Variants in KPNA5 observed in about 807,000 individuals in gnomAD.
KPNA5 encodes importin subunit alpha-6.
KPNA5 carries 46 observed loss-of-function variants against 71.3 expected under a neutral mutation model. The observed-to-expected ratio is 0.65, with a 90% CI of 0.51 to 0.83. The LOEUF is 0.83. KPNA5 is among the 40% of genes least tolerant of loss of function. The probability of loss-of-function intolerance (pLI) is 0.00; values close to 1 mark genes in which losing one functional copy is unlikely to be tolerated. For missense variants in KPNA5, 547 were observed against 628.3 expected, an observed-to-expected ratio of 0.87 and a Z score of 1.38; for synonymous variants, 207 against 201.4, an observed-to-expected ratio of 1.03 and a Z score of -0.24.
chr6:116,725,898 G>GAGT, intron 11 of KPNA5, 22 bp downstream of exon 11: 1 of 1,604,802 alleles, frequency 6.2e-7, no homozygotes. Flanking sequence ...TCAGATCTGA[G>GAGT]AGTAGAACAG....
chr6:116,721,567 C>G (rs1428280981), intron 8 of KPNA5, among the ~76,000 whole-genome samples: 1 of 152,100 alleles, frequency 6.6e-6, no homozygotes, highest in Non-Finnish European at 1.5e-5. Flanking sequence ...TAAAAAAAGC[C>G]AACATTTGAG....
Position 116,681,261 on chromosome 6 carries a change from C to T in KPNA5, c.-74C>T, listed in dbSNP as rs549811731. The stretch of plus-strand genomic sequence containing the variant: ...ACGCTTCACGCCAGGGGCGGAGTGG[C>T]GGCCCTTCTGTTACCCGCCACACAC... On this transcript the variant is annotated 5_prime_UTR_variant, in exon 1 of 14. Coordinates refer to ENST00000368564, the MANE Select transcript of KPNA5 (RefSeq NM_001366306.2). 24 of 1,593,814 alleles carry T rather than the reference C, an allele frequency of 1.5e-5. No homozygotes were observed. In the East Asian group the frequency reaches 4.5e-4, roughly 30 times the overall value.
In KPNA5 at chr6:116,724,359, A is replaced by T. The variant is rs1554257825; in HGVS notation, c.983A>T (p.Asp328Val). The T allele has an allele frequency of 6.2e-7, 1 of 1,610,024 alleles. No individual in the cohort carries two copies. Among genetic ancestry groups the T allele is most frequent in the Non-Finnish European group, 8.5e-7 (1 of 1,176,668 alleles). Residue 328 changes from aspartate (D) to valine (V), a missense_variant, in exon 10 of 14, where the codon GAT (aspartate) becomes GTT (valine). Transcript: ENST00000368564. ...GCAGTTGGTAATATTGTGACTGGTG[A>T]TGATATTCAAACACAGGTGAGTTCA... Reference protein sequence around the residue: ...LRAVGNIVTGDDIQTQVILNC... With the variant: ...LRAVGNIVTGVDIQTQVILNC...
chr6:116,731,502 G>A (rs1365422032), intron 13 of KPNA5, among the ~76,000 whole-genome samples: 30 of 152,082 alleles, frequency 2.0e-4, no homozygotes, highest in Non-Finnish European at 2.9e-5. Flanking sequence ...TGTATTTTCA[G>A]CACTACCCAG....
Position 116,738,413 on chromosome 6 carries a change from C to G in KPNA5, c.*6090C>G, listed in dbSNP as rs1245371573. 3 of 151,964 alleles carry G rather than the reference C, an allele frequency of 2.0e-5. No homozygotes were observed. Among genetic ancestry groups the G allele is most frequent in the Non-Finnish European group, 4.4e-5 (3 of 67,980 alleles). 9.4% of individuals were successfully genotyped at this position (151,964 alleles called of 1,614,324 possible). ...CAGATGGATTCACAGCTGAATTCTA[C>G]CAGAGGTACAAGGAGGAACTGGTAC... On this transcript the variant is annotated 3_prime_UTR_variant, in exon 14 of 14. Transcript: ENST00000368564.
rs1467948229 is a variant in KPNA5 at position 116,732,828 on chromosome 6, A to G, written c.*505A>G. ...GCAAATGCTAAATTAGAATGTGAAA[A>G]TATTTATTACCTTAAATTATACATA... is the stretch of plus-strand genomic sequence containing the variant. On this transcript the variant is annotated 3_prime_UTR_variant, in exon 14 of 14. Coordinates refer to ENST00000368564, the MANE Select transcript of KPNA5 (RefSeq NM_001366306.2). 1 of 151,956 alleles carries G rather than the reference A, an allele frequency of 6.6e-6. No individual in the cohort carries two copies. Among genetic ancestry groups the G allele is most frequent in the Non-Finnish European group, 1.5e-5 (1 of 67,888 alleles). The allele number at this position is 151,956 out of a possible 1,614,324, so 9.4% of individuals were successfully genotyped here.
At chr6:116,703,982 C>T (rs892391058) in intron 6 of KPNA5, among the ~76,000 whole-genome samples, 3 of 152,010 alleles carry the variant, frequency 2.0e-5, no homozygotes, top group African/African-American at 7.2e-5. Context: ...TATAGTATGG[C>T]CTTTTGCATC....
chr6:116,721,668 C>A (rs1779111334), intron 8 of KPNA5, among the ~76,000 whole-genome samples: 1 of 152,144 alleles, frequency 6.6e-6, no homozygotes, highest in Admixed American at 6.5e-5. Context: ...GAGTACCCTT[C>A]ACAAATATAT....
intron 1 of KPNA5, among the ~76,000 whole-genome samples, chr6:116,682,108 T>C (rs1432127069): frequency 6.6e-6 from 1 of 150,954 alleles, no homozygotes; most frequent in Non-Finnish European, 1.5e-5. Flanking sequence ...CTACCAAAAA[T>C]ACAAAAAATA....
intron 7 of KPNA5, among the ~76,000 whole-genome samples, chr6:116,710,988 G>A (rs530446031): frequency 6.8e-6 from 1 of 147,052 alleles, no homozygotes; most frequent in South Asian, 2.2e-4. Context: ...TCTGCCTCCC[G>A]GGTTCAAGCG....
chr6:116,699,762 G>C (rs1288460992), intron 5 of KPNA5, among the ~76,000 whole-genome samples: 1 of 152,118 alleles, frequency 6.6e-6, no homozygotes, highest in Non-Finnish European at 1.5e-5. Flanking sequence ...CTAAAACCCA[G>C]ACCTCTTGAT....
intron 1 of KPNA5, among the ~76,000 whole-genome samples, chr6:116,684,323 A>G (rs1466609714): frequency 2.0e-5 from 3 of 152,094 alleles, no homozygotes; most frequent in African/African-American, 7.2e-5. Flanking sequence ...TTTCTTTTCA[A>G]TCATTCTCAA....
intron 8 of KPNA5, 47 bp downstream of exon 8, chr6:116,716,365 A>G (rs758150376): frequency 2.6e-5 from 33 of 1,286,742 alleles, no homozygotes; most frequent in Non-Finnish European, 3.7e-5. Flanking sequence ...CATAAACCTA[A>G]GTTTCTATAT....
At chr6:116,722,627 T>G (rs1168364571) in intron 9 of KPNA5, among the ~76,000 whole-genome samples, 1 of 152,206 alleles carries the variant, frequency 6.6e-6, no homozygotes, top group Non-Finnish European at 1.5e-5. Context: ...CAGTTTCTCC[T>G]CTCACAGAAC....
chr6:116,705,302 C>G, intron 7 of KPNA5, 142 bp downstream of exon 7: 1 of 580,280 alleles, frequency 1.7e-6, no homozygotes, highest in Non-Finnish European at 2.9e-6. Flanking sequence ...CAGGTAGAAC[C>G]AAGAGAAATT....
intron 8 of KPNA5, 137 bp from the exon 9 acceptor site, chr6:116,721,989 T>G: frequency 5.3e-6 from 3 of 568,844 alleles, no homozygotes; most frequent in Non-Finnish European, 8.6e-6. Flanking sequence ...CATCTGATTA[T>G]AATTTTAAAA....
At chr6:116,723,997 C>A (rs1220563446) in intron 9 of KPNA5, among the ~76,000 whole-genome samples, 1 of 152,008 alleles carries the variant, frequency 6.6e-6, no homozygotes, top group Non-Finnish European at 1.5e-5. Context: ...AAGTATATAA[C>A]CTGGGTCTTA....
intron 4 of KPNA5, among the ~76,000 whole-genome samples, chr6:116,693,678 T>G (rs1219867197): frequency 1.3e-5 from 2 of 152,098 alleles, no homozygotes; most frequent in Non-Finnish European, 2.9e-5. Flanking sequence ...TTCTCCCATT[T>G]TGTAGGTTGC....
chr6:116,711,538 ATG>A (rs143357784), intron 7 of KPNA5, among the ~76,000 whole-genome samples: 3,325 of 143,390 alleles, frequency 0.023, 50 homozygotes, highest in Non-Finnish European at 0.034. Context: ...TTTTCTGCAT[ATG>A]TGTGTGTGTG....
Sources: gnomAD v4.1 joint callset for allele counts (sites outside exome capture counted in the v4.1 genomes callset) on GRCh38, gnomAD v4.1.1 for gene constraint, MANE v1.5 for transcripts, NCBI Gene and HGNC (gene_info 2026-07-23, HGNC 2026-07-21) for gene names.